The following TRPM3 variants were observed in gnomAD, a reference collection of about 807,000 sequenced individuals.
TRPM3 encodes the protein transient receptor potential cation channel subfamily M member 3, also known as long transient receptor potential channel 3.
A neutral mutation model predicts 181.2 loss-of-function variants in TRPM3; 77 were observed. The ratio of observed to expected loss-of-function variants is 0.42; its 90% CI spans 0.35 to 0.51. The LOEUF is 0.51. TRPM3 is among the 20% of genes least tolerant of loss of function. The probability of loss-of-function intolerance (pLI) is 0.01; values close to 1 mark genes in which losing one functional copy is unlikely to be tolerated. For synonymous variants in TRPM3, 745 were observed against 796.4 expected (o/e 0.94, Z 1.09); for missense variants, 1,759 against 2,196.7 (o/e 0.80, Z 3.98).
chr9:71,125,693 T>C (rs1402509539), upstream of TRPM3, among the ~76,000 whole-genome samples: 1 of 152,218 alleles, frequency 6.6e-6, no homozygotes, highest in African/African-American at 2.4e-5. Flanking sequence ...TGATTTATAT[T>C]TTGGGGGATA....
chr9:70,626,016 T>A (rs1392074798), intron 12 of TRPM3, among the ~76,000 whole-genome samples: 2 of 152,218 alleles, frequency 1.3e-5, no homozygotes, highest in Non-Finnish European at 2.9e-5. Flanking sequence ...GAGACATTTT[T>A]ATCAATGGAG....
At chr9:71,302,379 G>A (rs909315650) in intron 1 of TRPM3, among the ~76,000 whole-genome samples, 6 of 152,258 alleles carry the variant, frequency 3.9e-5, no homozygotes, top group African/African-American at 1.4e-4. Context: ...TGATATGAAA[G>A]TCTAAAAGCC....
At chr9:71,259,226 ATTC>A (rs1357960509) in intron 1 of TRPM3, among the ~76,000 whole-genome samples, 1 of 152,190 alleles carries the variant, frequency 6.6e-6, no homozygotes, top group Non-Finnish European at 1.5e-5. Context: ...ACATGAACTC[ATTC>A]TTTTTTATGG....
intron 6 of TRPM3, among the ~76,000 whole-genome samples, chr9:70,822,796 T>TGTGTGTGTGTG (rs539959057): frequency 7.0e-6 from 1 of 143,352 alleles, no homozygotes; most frequent in African/African-American, 2.5e-5. Flanking sequence ...TGTGTGTGTG[T>TGTGTGTGTGTG]TCCCCAAAGT....
chr9:71,231,747 A>G (rs1401360214), intron 1 of TRPM3, among the ~76,000 whole-genome samples: 5 of 152,204 alleles, frequency 3.3e-5, no homozygotes, highest in Admixed American at 1.3e-4. Context: ...CACGGACATT[A>G]ACATGGCAAC....
intron 8 of TRPM3, among the ~76,000 whole-genome samples, chr9:70,701,849 G>A (rs1254747993): frequency 6.6e-6 from 1 of 151,790 alleles, no homozygotes; most frequent in Non-Finnish European, 1.5e-5. Context: ...TCTAAGCATT[G>A]TACATGTGTG....
At chr9:71,133,292 C>CTTTTTTTTTTTTTTTTTTTTTTTTTT (rs761379173) in intron 1 of TRPM3, among the ~76,000 whole-genome samples, 1 of 72,306 alleles carries the variant, frequency 1.4e-5, no homozygotes, top group Non-Finnish European at 2.5e-5. Flanking sequence ...TAGCAAATTG[C>CTTTTTTTTTTTTTTTTTTTTTTTTTT]TTTTTTTTTT....
chr9:71,327,881 G>T (rs1367178463), intron 1 of TRPM3, among the ~76,000 whole-genome samples: 1 of 152,098 alleles, frequency 6.6e-6, no homozygotes, highest in Non-Finnish European at 1.5e-5. Context: ...TTTCCTGAGT[G>T]TCAACTATGT....
At chr9:71,445,075 C>T (rs1271315350) in intron 1 of TRPM3, among the ~76,000 whole-genome samples, 1 of 152,186 alleles carries the variant, frequency 6.6e-6, no homozygotes, top group Non-Finnish European at 1.5e-5. Context: ...ATGGTACCCT[C>T]TTAGGCTCTT....
intron 3 of TRPM3, among the ~76,000 whole-genome samples, chr9:70,850,674 G>A (rs79244948): frequency 0.017 from 2,588 of 152,206 alleles, 81 homozygotes; most frequent in African/African-American, 0.058. Flanking sequence ...GTGGTTTAGC[G>A]ACTTGAATAG....
At chr9:71,348,895 G>C (rs920437057) in intron 1 of TRPM3, among the ~76,000 whole-genome samples, 4 of 152,014 alleles carry the variant, frequency 2.6e-5, no homozygotes, top group Admixed American at 2.6e-4. Flanking sequence ...ATGACAGAAT[G>C]AGAATGTAAG....
chr9:71,198,367 T>A (rs1206071031), intron 1 of TRPM3, among the ~76,000 whole-genome samples: 1 of 152,124 alleles, frequency 6.6e-6, no homozygotes, highest in African/African-American at 2.4e-5. Context: ...TCTTTTTTGG[T>A]TCCATATGAA....
chr9:70,596,290 CTT>C (rs1228154151), intron 21 of TRPM3, among the ~76,000 whole-genome samples: 2 of 152,288 alleles, frequency 1.3e-5, no homozygotes, highest in East Asian at 3.9e-4. Context: ...TTCTTCCTCT[CTT>C]TGCATGAGTT....
intron 1 of TRPM3, among the ~76,000 whole-genome samples, chr9:71,374,583 G>T (rs1056683638): frequency 2.0e-5 from 3 of 152,130 alleles, no homozygotes; most frequent in African/African-American, 7.2e-5. Flanking sequence ...CATACTATTG[G>T]AAGTTCTGGC....
chr9:70,847,725 T>C (rs1208137976), intron 3 of TRPM3, among the ~76,000 whole-genome samples: 1 of 152,182 alleles, frequency 6.6e-6, no homozygotes, highest in African/African-American at 2.4e-5. Flanking sequence ...ACCTTGACTC[T>C]AGGTGGATGA....
chr9:71,162,564 A>C (rs934261240), intron 1 of TRPM3, among the ~76,000 whole-genome samples: 1 of 152,280 alleles, frequency 6.6e-6, no homozygotes, highest in African/African-American at 2.4e-5. Context: ...GGTCCTCAAA[A>C]CTAAGAGGAT....
At chr9:71,206,344 A>T (rs1045613269) in intron 1 of TRPM3, among the ~76,000 whole-genome samples, 4 of 152,214 alleles carry the variant, frequency 2.6e-5, no homozygotes, top group African/African-American at 9.6e-5. Context: ...TCTAATGATC[A>T]GTGATGATGA....
At chr9:71,365,775 A>T (rs2092315333) in intron 1 of TRPM3, among the ~76,000 whole-genome samples, 1 of 152,072 alleles carries the variant, frequency 6.6e-6, no homozygotes, top group African/African-American at 2.4e-5. Context: ...GCCTCACTTC[A>T]CTCAACAAAT....
intron 7 of TRPM3, among the ~76,000 whole-genome samples, chr9:70,777,958 AATTTT>A (rs1441570112): frequency 6.6e-6 from 1 of 150,676 alleles, no homozygotes; most frequent in Non-Finnish European, 1.5e-5. Context: ...TTATTGGATT[AATTTT>A]ATTAGTGTAT....
Sources: allele counts gnomAD v4.1 joint callset (sites outside exome capture counted in the v4.1 genomes callset), GRCh38; gene constraint gnomAD v4.1.1; transcripts MANE v1.5; gene names NCBI Gene and HGNC (gene_info 2026-07-23, HGNC 2026-07-21).